Variants in PTGS2 observed in about 807,000 individuals in gnomAD.
PTGS2 encodes prostaglandin-endoperoxide synthase 2, also known as prostaglandin G/H synthase 2.
PTGS2 carries 14 observed loss-of-function variants against 63.8 expected under a neutral mutation model. The ratio of observed to expected loss-of-function variants is 0.22; its 90% CI spans 0.14 to 0.34. The LOEUF is 0.34. Ranked by LOEUF, PTGS2 falls within the 10% of genes least tolerant of loss-of-function variation. The pLI is 1.00. For synonymous variants in PTGS2, 271 were observed against 259.5 expected, an observed-to-expected ratio of 1.04 and a Z score of -0.43; for missense variants, 533 against 738.5, an observed-to-expected ratio of 0.72 and a Z score of 3.23.
chr1:186,679,619 A>G (rs1665840975), intron 1 of PTGS2, among the ~76,000 whole-genome samples, 181 bp from the exon 2 acceptor site: 1 of 152,244 alleles, frequency 6.6e-6, no homozygotes, highest in Non-Finnish European at 1.5e-5. Context: ...CCAATTTTCT[A>G]TTCTAAATAA....
Position 186,676,636 on chromosome 1 carries a change from C to A in PTGS2, c.801G>T (p.Glu267Asp), listed in dbSNP as rs1274565158. The part of the protein sequence containing the change: ...AEMIYPPQVP[E>D]HLRFAVGQEV... ...CCTGCCCCACAGCAAACCGTAGATG[C>A]TCAGGGACTTGAGGAGGGTAGATCA... Residue 267 changes from glutamate (E) to aspartate (D), a missense_variant, in exon 7 of 10, where the codon GAG becomes GAT. Glu to Asp is a conservative substitution (Grantham distance 45). This residue lies in a region of PTGS2 where 67 missense variants were observed against 152.6 expected (regional missense o/e 0.44). Transcript: ENST00000367468. 8 of 1,614,112 alleles carry A rather than the reference C, an allele frequency of 5.0e-6. No homozygotes were observed. Among genetic ancestry groups the A allele is most frequent in the Non-Finnish European group, 6.8e-6 (8 of 1,180,032 alleles).
chr1:186,674,880 C>CTTTTA, intron 9 of PTGS2, 118 bp from the exon 10 acceptor site: 2 of 1,275,760 alleles, frequency 1.6e-6, no homozygotes, highest in Non-Finnish European at 2.1e-6. Context: ...ACCCCTGATT[C>CTTTTA]TTTTAAGAAG....
chr1:186,675,495 C>T, intron 8 of PTGS2, 99 bp from the exon 9 acceptor site: 2 of 1,337,706 alleles, frequency 1.5e-6, no homozygotes, highest in Non-Finnish European at 2.0e-6. Context: ...ACTGAAACTC[C>T]CAGCGGAGAC....
At position 186,673,544 on chromosome 1, in the gene PTGS2, A is replaced by G. The variant is rs200795899; in HGVS notation, c.*809T>C. On this transcript the variant is annotated 3_prime_UTR_variant, in exon 10 of 10. Transcript: ENST00000367468. ...AACAAAATATTCTTATTTTAAGATA[A>G]CACTGCAGTGGCTCCACCACCTTAA... 2.6e-5 allele frequency: 4 copies of G among 152,210 alleles called. No individual in the cohort carries two copies. Among genetic ancestry groups the G allele is most frequent in the Non-Finnish European group, 5.9e-5 (4 of 68,016 alleles). 9.4% of individuals were successfully genotyped at this position (152,210 alleles called of 1,614,324 possible). A position where few individuals can be genotyped will look rare whatever the true frequency, so the allele number is the denominator to read the frequency against.
rs745701374 is a variant in PTGS2, at chr1:186,674,325, T to C, written c.*28A>G. The C allele has an allele frequency of 7.3e-7, 1 of 1,370,904 alleles. No homozygotes were observed. Among genetic ancestry groups the C allele is most frequent in the Admixed American group, 2.5e-5 (1 of 40,594 alleles). The allele number at this position is 1,370,904 out of a possible 1,614,324, so 84.9% of individuals were successfully genotyped here. A position where few individuals can be genotyped will look rare whatever the true frequency, so the allele number is the denominator to read the frequency against. On this transcript the variant is annotated 3_prime_UTR_variant, in exon 10 of 10. Transcript: ENST00000367468. Reference sequence around the variant, plus strand: ...ATTAAATTAATAGACATGGTTCATATAAATAAATAAATATGATCATTAGAC... The same window carrying C: ...ATTAAATTAATAGACATGGTTCATACAAATAAATAAATATGATCATTAGAC...
Position 186,676,936 on chromosome 1 carries a change from T to C in PTGS2, c.640-20A>G. Reference sequence around the variant, plus strand: ...GTCCACCTAGAAAATGATGAAAAAATTTTAATTTGTTGCTGTTGAAGTTTT... The same window carrying C: ...GTCCACCTAGAAAATGATGAAAAAACTTTAATTTGTTGCTGTTGAAGTTTT... On this transcript the variant is annotated intron_variant, in intron 5 of 9. Transcript: ENST00000367468. 1.3e-6 allele frequency: 2 copies of C among 1,579,636 alleles called. No homozygotes were observed. Among genetic ancestry groups the C allele is most frequent in the Non-Finnish European group, 1.7e-6 (2 of 1,158,196 alleles).
chr1:186,675,740 CTT>C lies in PTGS2; in HGVS notation c.1257+156_1257+157del, dbSNP rs1016863819. On this transcript the variant is annotated intron_variant, in intron 8 of 9. Coordinates refer to ENST00000367468, the MANE Select transcript of PTGS2 (RefSeq NM_000963.4). Reference sequence around the variant, plus strand: ...CTGTAGACTAGACTAAAAGTTTAGACTTTTCAAACAAAGTTAGGCTTCTTATA... The same window carrying C: ...CTGTAGACTAGACTAAAAGTTTAGACTTCAAACAAAGTTAGGCTTCTTATA... 3.5e-6 allele frequency: 3 copies of C among 857,416 alleles called. No homozygotes were observed. The African/African-American group carries it at 5.2e-5, about 15-fold the overall frequency. The allele number at this position is 857,416 out of a possible 1,614,324, so 53.1% of individuals were successfully genotyped here.
At chr1:186,676,338 A>G in intron 7 of PTGS2, 129 bp downstream of exon 7, 2 of 1,390,402 alleles carry the variant, frequency 1.4e-6, no homozygotes, top group Non-Finnish European at 9.8e-7. Flanking sequence ...TCATGCTTAC[A>G]TATTTAATGT....
At chr1:186,677,337 A>ACATAACAT (rs1665798703) in intron 5 of PTGS2, among the ~76,000 whole-genome samples, 2 of 152,322 alleles carry the variant, frequency 1.3e-5, no homozygotes, top group East Asian at 3.9e-4. Context: ...TGTGTTTTTG[A>ACATAACAT]GGACATAACA....
At chr1:186,677,553 A>G in intron 5 of PTGS2, 96 bp downstream of exon 5, 2 of 1,234,760 alleles carry the variant, frequency 1.6e-6, no homozygotes, top group Non-Finnish European at 2.2e-6. Context: ...TGGATAAGTT[A>G]TTTGGATCTA....
Position 186,677,843 on chromosome 1 carries a change from A to T in PTGS2, c.458-13T>A. The T allele has an allele frequency of 6.2e-7, 1 of 1,612,416 alleles. No homozygotes were observed. The highest frequency in any genetic ancestry group is 1.1e-5 in the South Asian group (1 of 90,852). On this transcript the variant is annotated splice_polypyrimidine_tract_variant and intron_variant, in intron 4 of 9. Coordinates refer to ENST00000367468, the MANE Select transcript of PTGS2 (RefSeq NM_000963.4). ...AGCTGCTTTTTACCTGAAAAATGAG[A>T]AAGCTAAGGTAAGAATCCATCTATG...
Position 186,676,529 on chromosome 1 carries a change from T to C in PTGS2, c.908A>G (p.Lys303Arg). 1 of 1,614,160 alleles carries C rather than the reference T, an allele frequency of 6.2e-7. No individual in the cohort carries two copies. Among genetic ancestry groups the C allele is most frequent in the Non-Finnish European group, 8.5e-7 (1 of 1,180,022 alleles). Residue 303 changes from lysine to arginine, a missense_variant, in exon 7 of 10, where the codon AAA (lysine) becomes AGA (arginine). Coordinates refer to ENST00000367468, the MANE Select transcript of PTGS2 (RefSeq NM_000963.4). Reference sequence around the variant, plus strand: ...ATCACCCCATTCAGGATGCTCCTGTTTAAGCACATCGCATACTCTGTTGTG... The same window carrying C: ...ATCACCCCATTCAGGATGCTCCTGTCTAAGCACATCGCATACTCTGTTGTG... ...REHNRVCDVL[K>R]QEHPEWGDEQ...
Position 186,674,271 on chromosome 1 carries a change from AAGG to A in PTGS2, c.*79_*81del. On this transcript the variant is annotated 3_prime_UTR_variant, in exon 10 of 10. Transcript: ENST00000367468. ...TGTTACAGAAGATGTTAAGTAACAT[AAGG>A]AGTTTAATATAAATATTATTAAATA... is the stretch of plus-strand genomic sequence containing the variant. 1 of 898,232 alleles carries A rather than the reference AAGG, an allele frequency of 1.1e-6. No homozygotes were observed. Among genetic ancestry groups the A allele is most frequent in the Admixed American group, 4.2e-5 (1 of 23,764 alleles). 55.6% of individuals were successfully genotyped at this position (898,232 alleles called of 1,614,324 possible). A position where few individuals can be genotyped will look rare whatever the true frequency, so the allele number is the denominator to read the frequency against.
chr1:186,676,859 A>G lies in PTGS2; in HGVS notation c.697T>C (p.Phe233Leu). ...TGATATTTCATTTTTCCATCCTTGA[A>G]AAGGCGCAGTTTACGCTGTCTAGCC... ...TLARQRKLRLFKDGKMKYQII... is the reference protein window; with the variant it reads ...TLARQRKLRLLKDGKMKYQII... The change falls in exon 6 of 10, where the codon TTC becomes CTC. Residue 233 changes from phenylalanine to leucine, a missense_variant. Around this residue, in one of 5 missense-constraint regions of PTGS2, gnomAD observed 118 missense variants for 138.7 expected, o/e 0.85. Transcript: ENST00000367468. The G allele has an allele frequency of 1.2e-6, 2 of 1,610,694 alleles. No homozygotes were observed. The highest frequency in any genetic ancestry group is 2.7e-5 in the African/African-American group (2 of 75,002).
rs1665761721 is a variant in PTGS2, at chr1:186,675,322, C to T, written c.1332G>A (p.Met444Ile). 1.9e-6 allele frequency: 3 copies of T among 1,614,216 alleles called. No homozygotes were observed. The highest frequency in any genetic ancestry group is 2.5e-6 in the Non-Finnish European group (3 of 1,180,022). ...SQASIDQSRQ[M>I]KYQSFNEYRK... ...GGTACTCATTAAAAGACTGGTATTT[C>T]ATCTGCCTGCTCTGGTCAATGGAAG... The change falls in exon 9 of 10, where the codon ATG becomes ATA. Residue 444 changes from methionine (M) to isoleucine (I), a missense_variant. Around this residue, in one of 5 missense-constraint regions of PTGS2, gnomAD observed 219 missense variants for 267.4 expected, o/e 0.82. Transcript: ENST00000367468.
chr1:186,677,318 A>G (rs909454710), intron 5 of PTGS2, among the ~76,000 whole-genome samples: 2 of 152,226 alleles, frequency 1.3e-5, no homozygotes, highest in African/African-American at 4.8e-5. Flanking sequence ...CGGCATAATC[A>G]TGGTACAATG....
intron 8 of PTGS2, chr1:186,675,631 C>T (rs2102005293): frequency 1.6e-6 from 1 of 619,924 alleles, no homozygotes; most frequent in Non-Finnish European, 2.7e-6. Flanking sequence ...GTATTCAAGC[C>T]TAAAATATTT....
chr1:186,674,987 G>C (rs1040028722), intron 9 of PTGS2, among the ~76,000 whole-genome samples: 5 of 152,194 alleles, frequency 3.3e-5, no homozygotes, highest in African/African-American at 1.2e-4. Context: ...GACCAGCCTG[G>C]CTAACACGGT....
At chr1:186,675,685 T>C in intron 8 of PTGS2, 2 of 618,814 alleles carry the variant, frequency 3.2e-6, no homozygotes, top group Non-Finnish European at 5.3e-6. Context: ...ATTTTTAAGG[T>C]AGGGGTACAA....
Sources: allele counts gnomAD v4.1 joint callset (sites outside exome capture counted in the v4.1 genomes callset), GRCh38; gene constraint gnomAD v4.1.1; regional missense constraint gnomAD v4.1.1; transcripts MANE v1.5; gene names NCBI Gene and HGNC (gene_info 2026-07-23, HGNC 2026-07-21).